Variants in GSTCD observed in about 807,000 individuals in gnomAD.
GSTCD encodes glutathione S-transferase C-terminal domain-containing protein.
In GSTCD, 44 loss-of-function variants were observed where a neutral mutation model predicts 68.3. The ratio of observed to expected loss-of-function variants is 0.64; its 90% CI spans 0.51 to 0.83. The LOEUF (loss-of-function observed/expected upper bound fraction) is 0.83. Among genes scored for constraint, GSTCD ranks in the 40% least tolerant of loss-of-function variants. The pLI is 0.00. For missense variants in GSTCD, 739 were observed against 735.9 expected (o/e 1.00, Z -0.05); for synonymous variants, 273 against 255.2 (o/e 1.07, Z -0.67).
chr4:105,739,167 A>G (rs72671871), intron 5 of GSTCD, among the ~76,000 whole-genome samples: 8,176 of 152,240 alleles, frequency 0.054, 253 homozygotes, highest in Middle Eastern at 0.14. Flanking sequence ...AATTATCCTT[A>G]TATTCCTGGG....
intron 5 of GSTCD, among the ~76,000 whole-genome samples, chr4:105,794,875 C>T (rs915467324): frequency 7.1e-6 from 1 of 140,980 alleles, no homozygotes; most frequent in Non-Finnish European, 1.5e-5. Flanking sequence ...ATCTATCTAT[C>T]TATCTATCTA....
At chr4:105,725,600 A>G (rs1231595277) in intron 3 of GSTCD, among the ~76,000 whole-genome samples, 2 of 151,924 alleles carry the variant, frequency 1.3e-5, no homozygotes, top group Non-Finnish European at 2.9e-5. Flanking sequence ...TTTTTTTTAT[A>G]TACTTAGTTG....
At position 105,834,509 on chromosome 4, in the gene GSTCD, T is replaced by C. The variant is rs1423314292; in HGVS notation, c.1579T>C (p.Cys527Arg). 6.2e-7 allele frequency: 1 copy of C among 1,614,158 alleles called. No homozygotes were observed. ...GVATDMVIEH[C>R]IKTRASFVTC... is the part of the protein sequence containing the mutation. Reference sequence around the variant, plus strand: ...GGCAACAGACATGGTGATTGAGCACTGTATCAAAACACGGGCTTCCTTCGT... The same window carrying C: ...GGCAACAGACATGGTGATTGAGCACCGTATCAAAACACGGGCTTCCTTCGT... Residue 527 changes from cysteine (C) to arginine (R), a missense_variant, in exon 9 of 12, where the codon TGT becomes CGT. Cys to Arg is a radical substitution (Grantham distance 180). Coordinates refer to ENST00000515279, the MANE Select transcript of GSTCD (RefSeq NM_001370181.1).
At chr4:105,815,775 G>T (rs952546595) in intron 5 of GSTCD, among the ~76,000 whole-genome samples, 4 of 152,090 alleles carry the variant, frequency 2.6e-5, no homozygotes, top group African/African-American at 9.7e-5. Flanking sequence ...AGAGGGAAAA[G>T]AAGTAAATAC....
chr4:105,808,078 T>C (rs1022824462), intron 5 of GSTCD, among the ~76,000 whole-genome samples: 1 of 152,100 alleles, frequency 6.6e-6, no homozygotes, highest in African/African-American at 2.4e-5. Context: ...TGACTTCTGT[T>C]TACTAAATAT....
intron 9 of GSTCD, among the ~76,000 whole-genome samples, chr4:105,836,495 C>T (rs1056544387): frequency 6.6e-6 from 1 of 152,182 alleles, no homozygotes; most frequent in African/African-American, 2.4e-5. Context: ...TTGCCATCAA[C>T]CTGCCATCCA....
intron 5 of GSTCD, among the ~76,000 whole-genome samples, chr4:105,785,213 A>G (rs1327189340): frequency 6.6e-6 from 1 of 152,244 alleles, no homozygotes; most frequent in African/African-American, 2.4e-5. Context: ...AAGTATTTTC[A>G]AAATTGTTGA....
Position 105,717,856 on chromosome 4 carries a change from C to T in GSTCD, c.243C>T (p.Leu81=). The part of the protein sequence containing the change: ...VEIQIISRQE[L]PPIVQNCCLP... ...TACAGATTATTTCAAGGCAGGAGCTCCCACCAATAGTCCAAAATTGCTGTT... is the reference window on the plus strand; with the variant it reads ...TACAGATTATTTCAAGGCAGGAGCTTCCACCAATAGTCCAAAATTGCTGTT... Residue 81 remains leucine, a synonymous_variant, in exon 2 of 12, where the codon CTC becomes CTT. Coordinates refer to ENST00000515279, the MANE Select transcript of GSTCD (RefSeq NM_001370181.1). The T allele has an allele frequency of 6.2e-7, 1 of 1,614,042 alleles. No individual in the cohort carries two copies. The highest frequency in any genetic ancestry group is 8.5e-7 in the Non-Finnish European group (1 of 1,179,978).
intron 5 of GSTCD, among the ~76,000 whole-genome samples, chr4:105,784,456 C>G (rs1206273555): frequency 6.6e-6 from 1 of 152,216 alleles, no homozygotes; most frequent in African/African-American, 2.4e-5. Flanking sequence ...GAGGGCAGAG[C>G]CCTCACAACC....
intron 5 of GSTCD, among the ~76,000 whole-genome samples, chr4:105,808,953 T>G (rs2149265754): frequency 6.6e-6 from 1 of 152,134 alleles, no homozygotes; most frequent in Admixed American, 6.6e-5. Flanking sequence ...GAGTCCAAAT[T>G]TTACTTAATA....
chr4:105,727,574 C>T (rs1166626820), intron 4 of GSTCD, among the ~76,000 whole-genome samples: 1 of 149,952 alleles, frequency 6.7e-6, no homozygotes, highest in Admixed American at 6.6e-5. Context: ...ATTTACATTC[C>T]AAGGTTTTGT....
chr4:105,746,529 T>C (rs907353632), intron 5 of GSTCD: 7 of 152,226 alleles, frequency 4.6e-5, no homozygotes, highest in Admixed American at 3.3e-4. Context: ...TTGCTTGGGA[T>C]AATAATTTAT....
chr4:105,731,129 T>C (rs1483978730), intron 5 of GSTCD, among the ~76,000 whole-genome samples: 1 of 152,244 alleles, frequency 6.6e-6, no homozygotes, highest in African/African-American at 2.4e-5. Flanking sequence ...TTTTGGTTAC[T>C]GTAGCCTTGT....
intron 3 of GSTCD, among the ~76,000 whole-genome samples, chr4:105,720,744 C>G (rs1345063998): frequency 6.6e-6 from 1 of 152,042 alleles, no homozygotes; most frequent in East Asian, 1.9e-4. Flanking sequence ...CTCCATGATC[C>G]CTCTCTTCTA....
intron 5 of GSTCD, among the ~76,000 whole-genome samples, chr4:105,778,561 AT>A (rs937984068): frequency 6.6e-6 from 1 of 152,010 alleles, no homozygotes; most frequent in Non-Finnish European, 1.5e-5. Context: ...TTATCATGCC[AT>A]TTTTTTCCCC....
chr4:105,813,680 T>C (rs1172895501), intron 5 of GSTCD, among the ~76,000 whole-genome samples: 2 of 152,174 alleles, frequency 1.3e-5, no homozygotes, highest in African/African-American at 4.8e-5. Flanking sequence ...CCCTCAAACA[T>C]CCCTAGCTCT....
intron 5 of GSTCD, among the ~76,000 whole-genome samples, chr4:105,754,938 G>A (rs971325790): frequency 6.6e-6 from 1 of 151,392 alleles, no homozygotes; most frequent in African/African-American, 2.4e-5. Flanking sequence ...GTTGCTTTCT[G>A]ACTGGGTGCA....
intron 5 of GSTCD, among the ~76,000 whole-genome samples, chr4:105,801,783 T>G (rs1578487334): frequency 6.6e-6 from 1 of 152,204 alleles, no homozygotes; most frequent in South Asian, 2.1e-4. Flanking sequence ...AAAAATTATC[T>G]GCACCAAGAT....
At chr4:105,782,825 G>A (rs377516621) in intron 5 of GSTCD, among the ~76,000 whole-genome samples, 16 of 152,154 alleles carry the variant, frequency 1.1e-4, no homozygotes, top group African/African-American at 3.6e-4. Flanking sequence ...AATCGCTTCT[G>A]ATTTTTTGTC....
Sources: allele counts gnomAD v4.1 joint callset (sites outside exome capture counted in the v4.1 genomes callset), GRCh38; gene constraint gnomAD v4.1.1; transcripts MANE v1.5; gene names NCBI Gene and HGNC (gene_info 2026-07-23, HGNC 2026-07-21).